Variants in MYLK observed in about 807,000 individuals in gnomAD.
The protein encoded by MYLK is myosin light chain kinase, also known as myosin light chain kinase, smooth muscle.
A neutral mutation model predicts 203.4 loss-of-function variants in MYLK; 106 were observed. That is an observed-to-expected ratio of 0.52 (90% CI 0.45 to 0.61). MYLK has a LOEUF of 0.61. Among genes scored for constraint, MYLK ranks in the 20% least tolerant of loss-of-function variants. The pLI, the probability that MYLK is intolerant of heterozygous loss-of-function variation, is 0.00. For synonymous variants in MYLK, 867 were observed against 959.5 expected (o/e 0.90, Z 1.78); for missense variants, 2,072 against 2,442.3 (o/e 0.85, Z 3.20).
chr3:123,826,691 A>G (rs1004615435), intron 3 of MYLK, among the ~76,000 whole-genome samples: 4 of 152,120 alleles, frequency 2.6e-5, no homozygotes, highest in African/African-American at 7.2e-5. Context: ...TCAATCCATC[A>G]TTTACATTTA....
intron 13 of MYLK, among the ~76,000 whole-genome samples, chr3:123,720,517 GC>G (rs1351593582): frequency 6.6e-6 from 1 of 152,208 alleles, no homozygotes; most frequent in Non-Finnish European, 1.5e-5. Context: ...TCCAAGAAGA[GC>G]CCCCAGGTGA....
intron 20 of MYLK, among the ~76,000 whole-genome samples, chr3:123,679,583 G>T (rs1276825356): frequency 6.6e-6 from 1 of 152,100 alleles, no homozygotes; most frequent in Non-Finnish European, 1.5e-5. Context: ...CCATGACTTT[G>T]GAGTGTGTAG....
At chr3:123,797,164 A>T (rs1382348036) in intron 3 of MYLK, among the ~76,000 whole-genome samples, 1 of 152,230 alleles carries the variant, frequency 6.6e-6, no homozygotes, top group Non-Finnish European at 1.5e-5. Flanking sequence ...GAACAGTAGA[A>T]TTGAATGATA....
chr3:123,799,358 C>T (rs574655834), intron 3 of MYLK, among the ~76,000 whole-genome samples: 4 of 152,176 alleles, frequency 2.6e-5, no homozygotes, highest in South Asian at 4.2e-4. Flanking sequence ...TCAACTACAG[C>T]GAAAAGAGAT....
At chr3:123,871,084 A>G (rs1327257660) in intron 2 of MYLK, among the ~76,000 whole-genome samples, 1 of 152,040 alleles carries the variant, frequency 6.6e-6, no homozygotes, top group Non-Finnish European at 1.5e-5. Flanking sequence ...CCCACCCCCA[A>G]GCAGAAGCCT....
At position 123,740,005 on chromosome 3, in the gene MYLK, C is replaced by T. The variant is rs748123681; in HGVS notation, c.374-4G>A. On this transcript the variant is annotated splice_region_variant and splice_polypyrimidine_tract_variant and intron_variant, in intron 5 of 33. Transcript: ENST00000360304. ...CCAAGCTGCTTCGCAAAACTTCCTG[C>T]AAGAAAAAGAGTTGATGAGTCAGGT... is the stretch of plus-strand genomic sequence containing the variant. The T allele has an allele frequency of 1.2e-6, 2 of 1,613,552 alleles. No homozygotes were observed. The highest frequency in any genetic ancestry group is 1.7e-6 in the Non-Finnish European group (2 of 1,179,730).
intron 1 of MYLK, among the ~76,000 whole-genome samples, chr3:123,882,579 G>A (rs554168243): frequency 9.8e-5 from 15 of 152,302 alleles, no homozygotes; most frequent in Middle Eastern, 3.4e-3. Context: ...ATGCTTAGCT[G>A]CAAATGAGGT....
At chr3:123,820,725 C>G (rs1283792410) in intron 3 of MYLK, among the ~76,000 whole-genome samples, 1 of 147,758 alleles carries the variant, frequency 6.8e-6, no homozygotes, top group Non-Finnish European at 1.5e-5. Context: ...CTCTCTCTCT[C>G]TTTTATTCTT....
At position 123,733,798 on chromosome 3, in the gene MYLK, T is replaced by A; in HGVS notation, c.1198A>T (p.Asn400Tyr). 2 of 1,614,236 alleles carry A rather than the reference T, an allele frequency of 1.2e-6. No individual in the cohort carries two copies. Among genetic ancestry groups the A allele is most frequent in the Non-Finnish European group, 1.7e-6 (2 of 1,180,042 alleles). ...TGGCCCTCCATGGGGATTCTCCTGT[T>A]AGCAGCCTTGCTCACAACATCTTGG... Reference protein sequence around the residue: ...GSQDVVSKAANRRIPMEGQRD... With the variant: ...GSQDVVSKAAYRRIPMEGQRD... Residue 400 changes from asparagine (N) to tyrosine (Y), a missense_variant, in exon 10 of 34, where the codon AAC becomes TAC. By Grantham distance (143) the Asn-to-Tyr change is moderately radical. This residue lies in a region of MYLK where 683 missense variants were observed against 643.8 expected (regional missense o/e 1.06). Transcript: ENST00000360304.
chr3:123,774,392 G>A (rs1267989728), intron 4 of MYLK, among the ~76,000 whole-genome samples: 1 of 152,030 alleles, frequency 6.6e-6, no homozygotes, highest in African/African-American at 2.4e-5. Context: ...GGGGTTGGGC[G>A]TTCATTCTCG....
chr3:123,657,006 C>T (rs570606230), intron 24 of MYLK, 120 bp downstream of exon 24: 3 of 1,172,718 alleles, frequency 2.6e-6, no homozygotes, highest in African/African-American at 1.5e-5. Context: ...CCAAAAGACC[C>T]TGCCAGTCAT....
intron 3 of MYLK, among the ~76,000 whole-genome samples, chr3:123,820,046 T>C (rs1560258809): frequency 6.6e-6 from 1 of 152,156 alleles, no homozygotes; most frequent in Non-Finnish European, 1.5e-5. Context: ...TCTACCAGCA[T>C]CCTAGGGTGC....
At chr3:123,680,832 G>C (rs1461622064) in intron 20 of MYLK, among the ~76,000 whole-genome samples, 1 of 152,090 alleles carries the variant, frequency 6.6e-6, no homozygotes, top group Non-Finnish European at 1.5e-5. Flanking sequence ...CTTGTTTTTT[G>C]TTTGTTTGTT....
rs2059083035 is a variant in MYLK, at chr3:123,648,020, CT to C, written c.4416-594del. The stretch of plus-strand genomic sequence containing the variant: ...CCTTCCACTCCCTACCACTGACCCC[CT>C]GGTGATGGCCCAGGCAGGGTCCTGC... On this transcript the variant is annotated intron_variant, in intron 26 of 33. Transcript: ENST00000360304. The surrounding 1 kb of genome is among the most constrained non-coding windows in gnomAD (Gnocchi z 4.5). Among the ~76,000 whole-genome samples the C allele has an allele frequency of 1.3e-5, 2 of 152,228 alleles. No individual in the cohort carries two copies. The highest frequency in any genetic ancestry group is 1.3e-4 in the Admixed American group (2 of 15,280).
At chr3:123,825,891 T>C (rs1016679141) in intron 3 of MYLK, among the ~76,000 whole-genome samples, 1 of 152,226 alleles carries the variant, frequency 6.6e-6, no homozygotes, top group Admixed American at 6.5e-5. Flanking sequence ...AGCCAAATGG[T>C]TGCATGCCCT....
intron 24 of MYLK, among the ~76,000 whole-genome samples, chr3:123,656,440 C>A (rs2059390903): frequency 6.6e-6 from 1 of 152,208 alleles, no homozygotes; most frequent in Non-Finnish European, 1.5e-5. Context: ...CAACATATGC[C>A]TTGGCCACAC....
intron 3 of MYLK, among the ~76,000 whole-genome samples, chr3:123,812,845 C>T (rs1456837916): frequency 6.6e-6 from 1 of 152,162 alleles, no homozygotes; most frequent in Non-Finnish European, 1.5e-5. Context: ...TCGCAGTGCT[C>T]CCAAGATGTC....
At position 123,629,154 on chromosome 3, in the gene MYLK, A is replaced by T. The variant is rs572091206; in HGVS notation, c.5114+320T>A. On this transcript the variant is annotated intron_variant, in intron 30 of 33. Transcript: ENST00000360304. The surrounding 1 kb of genome is among the most constrained non-coding windows in gnomAD (Gnocchi z 4.4). ...TGGCCACAACTGTACCCAGAAAATA[A>T]GAAGGGTGGTCATTATTCACACAGA... Among the ~76,000 whole-genome samples, 1 of 152,178 alleles carries T rather than the reference A, an allele frequency of 6.6e-6. No homozygotes were observed. The highest frequency in any genetic ancestry group is 1.5e-5 in the Non-Finnish European group (1 of 68,040).
chr3:123,672,207 G>GGAGAGAGA (rs3085308), intron 20 of MYLK, among the ~76,000 whole-genome samples: 1 of 146,444 alleles, frequency 6.8e-6, no homozygotes, highest in African/African-American at 2.5e-5. Context: ...GGCAGGGGGA[G>GGAGAGAGA]GAGAGAGAGA....
Sources: allele counts gnomAD v4.1 joint callset (sites outside exome capture counted in the v4.1 genomes callset), GRCh38; gene constraint gnomAD v4.1.1; regional missense constraint gnomAD v4.1.1; non-coding constraint Gnocchi (gnomAD v3.1); transcripts MANE v1.5; gene names NCBI Gene and HGNC (gene_info 2026-07-23, HGNC 2026-07-21).